The following CCDC15 variants were observed in gnomAD, a reference collection of about 807,000 sequenced individuals.
The protein encoded by CCDC15 is coiled-coil domain containing 15.
A neutral mutation model predicts 114.5 loss-of-function variants in CCDC15; 105 were observed. The observed-to-expected ratio is 0.92, with a 90% CI of 0.78 to 1.08. CCDC15 has a LOEUF of 1.08. CCDC15 is among the 50% of genes least tolerant of loss of function. CCDC15 has a pLI of 0.00. For missense variants in CCDC15, 1,105 were observed against 1,093.6 expected, an observed-to-expected ratio of 1.01 and a Z score of -0.15; for synonymous variants, 334 against 377.8, an observed-to-expected ratio of 0.88 and a Z score of 1.34.
intron 13 of CCDC15, among the ~76,000 whole-genome samples, chr11:125,036,526 T>C (rs1432055772): frequency 1.3e-5 from 2 of 152,076 alleles, no homozygotes; most frequent in Admixed American, 1.3e-4. Context: ...TTTGGGAAGT[T>C]TTCTGTTATT....
intron 4 of CCDC15, among the ~76,000 whole-genome samples, chr11:124,965,742 A>C (rs1318160369): frequency 6.6e-6 from 1 of 152,078 alleles, no homozygotes; most frequent in East Asian, 1.9e-4. Flanking sequence ...TAGGGTGACG[A>C]TTTTAGATCT....
chr11:125,028,855 TAGTC>T (rs1300439285), intron 13 of CCDC15, among the ~76,000 whole-genome samples: 2 of 152,152 alleles, frequency 1.3e-5, no homozygotes, highest in Non-Finnish European at 2.9e-5. Flanking sequence ...ACTACTGTGT[TAGTC>T]AGGGTTCTCT....
chr11:125,026,435 G>A (rs1365177836), intron 13 of CCDC15, among the ~76,000 whole-genome samples: 3 of 152,182 alleles, frequency 2.0e-5, no homozygotes, highest in South Asian at 2.1e-4. Context: ...AATGAGAAAG[G>A]GGTAGTGTAG....
At chr11:125,010,012 T>C (rs994299026) in intron 13 of CCDC15, among the ~76,000 whole-genome samples, 1 of 152,208 alleles carries the variant, frequency 6.6e-6, no homozygotes, top group Non-Finnish European at 1.5e-5. Flanking sequence ...TACCAAATTA[T>C]GGGATTGCTA....
intron 5 of CCDC15, among the ~76,000 whole-genome samples, chr11:124,976,736 T>C (rs1445060305): frequency 6.6e-6 from 1 of 152,148 alleles, no homozygotes; most frequent in African/African-American, 2.4e-5. Context: ...ACAGTTCTGA[T>C]TGAAATAATT....
intron 13 of CCDC15, among the ~76,000 whole-genome samples, chr11:125,012,278 C>A (rs188087161): frequency 1.3e-5 from 2 of 152,240 alleles, no homozygotes; most frequent in Non-Finnish European, 2.9e-5. Flanking sequence ...CAGAGACAGG[C>A]CAAAGTGGGA....
chr11:125,009,863 T>C (rs1948577243), intron 13 of CCDC15, among the ~76,000 whole-genome samples: 1 of 152,240 alleles, frequency 6.6e-6, no homozygotes, highest in Non-Finnish European at 1.5e-5. Context: ...CATAGTCTTC[T>C]ATGGTGTATA....
chr11:125,032,485 T>A (rs537021626), intron 13 of CCDC15, among the ~76,000 whole-genome samples: 16 of 152,346 alleles, frequency 1.1e-4, no homozygotes, highest in African/African-American at 3.1e-4. Flanking sequence ...TTCTCTAAGA[T>A]CCATCTGTCT....
chr11:124,955,343 G>A (rs1444061594), intron 2 of CCDC15, among the ~76,000 whole-genome samples: 2 of 152,166 alleles, frequency 1.3e-5, no homozygotes, highest in Non-Finnish European at 2.9e-5. Context: ...GAGGATTCAG[G>A]CAAAATGGAG....
chr11:125,026,991 G>T (rs1948707856), intron 13 of CCDC15, among the ~76,000 whole-genome samples: 1 of 152,050 alleles, frequency 6.6e-6, no homozygotes, highest in South Asian at 2.1e-4. Flanking sequence ...TACAATATTT[G>T]GTTTTCCATT....
intron 13 of CCDC15, among the ~76,000 whole-genome samples, chr11:125,016,195 A>G (rs1948628134): frequency 1.3e-5 from 2 of 152,170 alleles, no homozygotes; most frequent in South Asian, 4.1e-4. Context: ...TATTGTGCGT[A>G]AGAAGGTACA....
Position 124,992,672 on chromosome 11 carries a change from C to T in CCDC15, c.2124C>T (p.Asp708=), listed in dbSNP as rs1430964195. The T allele has an allele frequency of 1.3e-6, 2 of 1,579,738 alleles. No homozygotes were observed. Among genetic ancestry groups the T allele is most frequent in the Admixed American group, 3.5e-5 (2 of 56,472 alleles). The change falls in exon 10 of 16, where the codon GAC becomes GAT. Residue 708 remains aspartate (D), a synonymous_variant. Coordinates refer to ENST00000344762, the MANE Select transcript of CCDC15 (RefSeq NM_025004.3). ...TTGTACCTAAAATCCAGGACCAAGA[C>T]TCCCCTAGAGAACAGGTAGAACCGA... ...QYVVPKIQDQ[D]SPREQNKHIK...
At chr11:125,033,714 T>G (rs1948756896) in intron 13 of CCDC15, among the ~76,000 whole-genome samples, 1 of 122,094 alleles carries the variant, frequency 8.2e-6, no homozygotes, top group African/African-American at 3.9e-5. Flanking sequence ...TGGGCCATCT[T>G]TTAAAAAGCT....
At chr11:125,039,206 T>C (rs1948798967) in intron 15 of CCDC15, 137 bp downstream of exon 15, 2 of 684,424 alleles carry the variant, frequency 2.9e-6, no homozygotes, top group South Asian at 4.6e-5. Flanking sequence ...AAAATAACTA[T>C]ATGAGGCAGT....
At chr11:124,993,353 G>A in intron 11 of CCDC15, 110 bp downstream of exon 11, 1 of 670,962 alleles carries the variant, frequency 1.5e-6, no homozygotes, top group Non-Finnish European at 2.6e-6. Flanking sequence ...AAGATTGACA[G>A]GGCAATGTAA....
chr11:124,987,506 TA>T lies in CCDC15; in HGVS notation c.1281del (p.Leu427PhefsTer221). ...QALLTKNQDV[L>X]LKDHCVLPKD... Reference sequence around the variant, plus strand: ...CTTCTAACGAAAAACCAGGATGTTTTACTCAAAGACCACTGTGTTCTCCCTA... The same window carrying T: ...CTTCTAACGAAAAACCAGGATGTTTTCTCAAAGACCACTGTGTTCTCCCTA... On this transcript the variant is annotated frameshift_variant, in exon 8 of 16. Coordinates refer to ENST00000344762, the MANE Select transcript of CCDC15 (RefSeq NM_025004.3). LOFTEE classifies it high-confidence loss of function. 1 of 1,614,058 alleles carries T rather than the reference TA, an allele frequency of 6.2e-7. No individual in the cohort carries two copies.
intron 4 of CCDC15, among the ~76,000 whole-genome samples, chr11:124,972,926 G>T (rs1374386421): frequency 6.6e-6 from 1 of 152,102 alleles, no homozygotes; most frequent in African/African-American, 2.4e-5. Flanking sequence ...ATGTCCTTAA[G>T]ATCTCAAGAT....
intron 1 of CCDC15, 67 bp downstream of exon 1, chr11:124,954,437 A>C: frequency 4.9e-6 from 1 of 206,140 alleles, no homozygotes; most frequent in Non-Finnish European, 1.0e-5. Flanking sequence ...CGCTGCGCCC[A>C]CAGCTGAGGA....
intron 9 of CCDC15, among the ~76,000 whole-genome samples, chr11:124,991,793 C>T (rs892516522): frequency 8.5e-5 from 13 of 152,212 alleles, no homozygotes; most frequent in Non-Finnish European, 1.3e-4. Context: ...AAACGATTCT[C>T]CTGCCTCAGC....
Sources: gnomAD v4.1 joint callset for allele counts (sites outside exome capture counted in the v4.1 genomes callset) on GRCh38, gnomAD v4.1.1 for gene constraint, MANE v1.5 for transcripts, NCBI Gene and HGNC (gene_info 2026-07-23, HGNC 2026-07-21) for gene names.